The following RGS22 variants were observed in gnomAD, a reference collection of about 807,000 sequenced individuals.
RGS22 encodes the protein regulator of G-protein signaling 22.
Under a neutral mutation model 172.9 loss-of-function variants are expected in RGS22, and 148 were observed. That is an observed-to-expected ratio of 0.86 (90% CI 0.75 to 0.98). The LOEUF (loss-of-function observed/expected upper bound fraction) is 0.98, where lower values mean the gene tolerates loss of function less well. Among genes scored for constraint, RGS22 ranks in the 50% least tolerant of loss-of-function variants. The probability of loss-of-function intolerance (pLI) is 0.00; values close to 1 mark genes in which losing one functional copy is unlikely to be tolerated. For missense variants in RGS22, 1,347 were observed against 1,440.8 expected (o/e 0.93, Z 1.05); for synonymous variants, 458 against 480.2 (o/e 0.95, Z 0.60).
intron 3 of RGS22, among the ~76,000 whole-genome samples, chr8:100,085,830 A>G (rs1388088425): frequency 6.6e-5 from 10 of 152,198 alleles, no homozygotes; most frequent in Admixed American, 6.5e-4. Flanking sequence ...GTGACTCTTT[A>G]AATCACTCTT....
At position 100,066,172 on chromosome 8, in the gene RGS22, A is replaced by G. The variant is rs537187201; in HGVS notation, c.719T>C (p.Val240Ala). ...NKLKSPAISS[V>A]SENFIFDDGV... ...TCTTGTCCTTTTCTGCTTACCAGAAACAGATGAAATAGCTGGTGATTTAAG... is the reference window on the plus strand; with the variant it reads ...TCTTGTCCTTTTCTGCTTACCAGAAGCAGATGAAATAGCTGGTGATTTAAG... The change falls in exon 7 of 28, where the codon GTT becomes GCT. Residue 240 changes from valine to alanine, a missense_variant. Val to Ala is a moderately conservative substitution (Grantham distance 64, BLOSUM62 0). Transcript: ENST00000360863. 221 of 1,612,134 alleles carry G rather than the reference A, an allele frequency of 1.4e-4. 1 individual carries two copies. In the South Asian group the frequency reaches 2.2e-3, roughly 16 times the overall value.
intron 3 of RGS22, 200 bp from the exon 4 acceptor site, chr8:100,080,555 C>G (rs575539381): frequency 1.5e-5 from 8 of 539,848 alleles, no homozygotes; most frequent in South Asian, 2.3e-5. Flanking sequence ...TGCCAATGCA[C>G]TTATGCCACG....
At chr8:99,969,909 C>T (rs1359387248) in intron 23 of RGS22, among the ~76,000 whole-genome samples, 1 of 152,154 alleles carries the variant, frequency 6.6e-6, no homozygotes, top group African/African-American at 2.4e-5. Context: ...AACTCTCCAC[C>T]CCAAATCAAC....
chr8:100,018,361 T>C (rs78639579), intron 14 of RGS22, among the ~76,000 whole-genome samples: 2,980 of 151,802 alleles, frequency 0.02, 51 homozygotes, highest in Non-Finnish European at 0.031. Flanking sequence ...ATGGATACCA[T>C]GAGACAGAAG....
rs1483089547 is a variant in RGS22 at position 99,962,693 on chromosome 8, T to C, written c.3784A>G (p.Ser1262Gly). The C allele has an allele frequency of 6.2e-7, 1 of 1,604,972 alleles. No individual in the cohort carries two copies. Among genetic ancestry groups the C allele is most frequent in the Non-Finnish European group, 8.5e-7 (1 of 1,177,574 alleles). ...GACTACACTGGAAACTCACTCTGGC[T>C]GCTGTGGGCAGACATATTCTTTTTC... ...SLKKNMSAHSSQK is the reference protein window; with the variant it reads ...SLKKNMSAHSGQK The change falls in exon 26 of 28, where the codon AGC (serine) becomes GGC (glycine). Residue 1262 changes from serine (S) to glycine (G), a missense_variant. Coordinates refer to ENST00000360863, the MANE Select transcript of RGS22 (RefSeq NM_015668.5).
At chr8:100,093,632 C>A in intron 2 of RGS22, 123 bp from the exon 3 acceptor site, 3 of 640,662 alleles carry the variant, frequency 4.7e-6, no homozygotes, top group South Asian at 4.5e-5. Flanking sequence ...TTTAGTCAGT[C>A]AACAGTGAAC....
At chr8:100,085,457 G>A (rs1812091081) in intron 3 of RGS22, among the ~76,000 whole-genome samples, 1 of 152,150 alleles carries the variant, frequency 6.6e-6, no homozygotes, top group African/African-American at 2.4e-5. Context: ...GGATATGAAA[G>A]TCAGCACATA....
intron 22 of RGS22, among the ~76,000 whole-genome samples, chr8:99,981,725 T>G (rs927640212): frequency 3.2e-5 from 3 of 92,918 alleles, no homozygotes; most frequent in East Asian, 2.5e-4. Context: ...TTTTTTTAGG[T>G]TTTTTTTTTT....
At chr8:99,962,127 G>T (rs530665669) in intron 27 of RGS22, among the ~76,000 whole-genome samples, 7 of 151,598 alleles carry the variant, frequency 4.6e-5, no homozygotes, top group Non-Finnish European at 8.8e-5. Flanking sequence ...TGGGAAAACT[G>T]AGCCATAGCC....
intron 2 of RGS22, among the ~76,000 whole-genome samples, chr8:100,103,001 A>G (rs1013191425): frequency 2.0e-5 from 3 of 152,236 alleles, no homozygotes; most frequent in African/African-American, 7.2e-5. Context: ...TAACCACCTA[A>G]TAGGGTTGTT....
chr8:100,091,608 A>C (rs1812588894), intron 3 of RGS22, among the ~76,000 whole-genome samples: 1 of 152,220 alleles, frequency 6.6e-6, no homozygotes, highest in South Asian at 2.1e-4. Flanking sequence ...AAAGAAAGTT[A>C]AGAGAATTTA....
chr8:99,983,604 G>GGCCA (rs1812779406), intron 21 of RGS22, among the ~76,000 whole-genome samples: 1 of 152,124 alleles, frequency 6.6e-6, no homozygotes, highest in Non-Finnish European at 1.5e-5. Flanking sequence ...TATACCTTTT[G>GGCCA]AGAAGTATCC....
At chr8:100,101,443 ATTTT>A (rs57644659) in intron 2 of RGS22, among the ~76,000 whole-genome samples, 280 of 116,756 alleles carry the variant, frequency 2.4e-3, no homozygotes, top group Middle Eastern at 4.3e-3. Flanking sequence ...TGCCCAGCTA[ATTTT>A]TTTTTTTTTT....
chr8:100,080,428 GT>G, intron 3 of RGS22, 73 bp from the exon 4 acceptor site: 2 of 1,067,384 alleles, frequency 1.9e-6, no homozygotes, highest in Non-Finnish European at 2.7e-6. Flanking sequence ...AAGACTTGTG[GT>G]TTACATACAT....
At chr8:100,055,404 G>A (rs1822139728) in intron 9 of RGS22, among the ~76,000 whole-genome samples, 1 of 152,194 alleles carries the variant, frequency 6.6e-6, no homozygotes, top group Non-Finnish European at 1.5e-5. Context: ...ACCTCTATGA[G>A]TTTGCAAGAA....
At chr8:100,012,921 G>A (rs1816543455) in intron 14 of RGS22, among the ~76,000 whole-genome samples, 1 of 150,474 alleles carries the variant, frequency 6.6e-6, no homozygotes, top group Non-Finnish European at 1.5e-5. Flanking sequence ...CTCATATGTT[G>A]AGCATTCTGG....
intron 22 of RGS22, among the ~76,000 whole-genome samples, chr8:99,980,919 C>T (rs7830936): frequency 0.12 from 17,830 of 152,120 alleles, 1,420 homozygotes; most frequent in African/African-American, 0.23. Context: ...CTCTATAGCA[C>T]GTCCTCAATC....
At chr8:100,089,140 G>T (rs1271386326) in intron 3 of RGS22, among the ~76,000 whole-genome samples, 1 of 151,328 alleles carries the variant, frequency 6.6e-6, no homozygotes, top group Non-Finnish European at 1.5e-5. Flanking sequence ...ATTTTCTCTG[G>T]TCAAGAAAGT....
At chr8:99,987,082 G>A (rs570941339) in intron 21 of RGS22, among the ~76,000 whole-genome samples, 174 of 152,158 alleles carry the variant, frequency 1.1e-3, no homozygotes, top group African/African-American at 3.8e-3. Context: ...TGGAATATTT[G>A]TATTATACCT....
Sources: gnomAD v4.1 joint callset for allele counts (sites outside exome capture counted in the v4.1 genomes callset) on GRCh38, gnomAD v4.1.1 for gene constraint, MANE v1.5 for transcripts, NCBI Gene and HGNC (gene_info 2026-07-23, HGNC 2026-07-21) for gene names.